The following PTK2 variants were observed in gnomAD, a reference collection of about 807,000 sequenced individuals.
PTK2 encodes protein tyrosine kinase 2, also known as focal adhesion kinase 1.
PTK2 carries 45 observed loss-of-function variants against 150.1 expected under a neutral mutation model. The observed-to-expected ratio is 0.30, with a 90% CI of 0.24 to 0.38. The LOEUF (loss-of-function observed/expected upper bound fraction) is 0.38, where lower values mean the gene tolerates loss of function less well. Ranked by LOEUF, PTK2 falls within the 10% of genes least tolerant of loss-of-function variation. The pLI, the probability that PTK2 is intolerant of heterozygous loss-of-function variation, is 1.00. For missense variants in PTK2, 919 were observed against 1,307.3 expected, an observed-to-expected ratio of 0.70 and a Z score of 4.58; for synonymous variants, 432 against 449.2, an observed-to-expected ratio of 0.96 and a Z score of 0.48.
At chr8:140,725,533 T>C (rs1286149064) in intron 22 of PTK2, among the ~76,000 whole-genome samples, 1 of 152,228 alleles carries the variant, frequency 6.6e-6, no homozygotes, top group Middle Eastern at 3.2e-3. Flanking sequence ...GCGCCAGTGT[T>C]ACTGGCTTGA....
At chr8:140,790,269 T>C (rs1012448275) in intron 13 of PTK2, among the ~76,000 whole-genome samples, 1 of 152,210 alleles carries the variant, frequency 6.6e-6, no homozygotes, top group Non-Finnish European at 1.5e-5. Flanking sequence ...ACAGTATAGG[T>C]TGAATATCTC....
intron 24 of PTK2, 64 bp from the exon 28 acceptor site, chr8:140,702,771 C>T (rs1179574952): frequency 1.3e-6 from 2 of 1,521,398 alleles, no homozygotes; most frequent in Admixed American, 1.9e-5. Context: ...CTGCTTCACA[C>T]ACAAAGGAAA....
At chr8:140,960,107 T>C (rs1383467104) in intron 1 of PTK2, among the ~76,000 whole-genome samples, 3 of 151,340 alleles carry the variant, frequency 2.0e-5, no homozygotes, top group Non-Finnish European at 2.9e-5. Flanking sequence ...ATTTTTTGTA[T>C]ACAGTATTTT....
intron 14 of PTK2, among the ~76,000 whole-genome samples, chr8:140,775,421 G>A (rs573913197): frequency 4.6e-5 from 7 of 152,202 alleles, no homozygotes; most frequent in African/African-American, 1.7e-4. Context: ...GGAGATGGAG[G>A]TTGCAGTGAG....
At chr8:140,925,982 C>A (rs1403464571) in intron 1 of PTK2, among the ~76,000 whole-genome samples, 1 of 152,212 alleles carries the variant, frequency 6.6e-6, no homozygotes, top group Non-Finnish European at 1.5e-5. Flanking sequence ...GATGACTCAT[C>A]TACCTATCAC....
chr8:140,675,884 C>T (rs913804409), intron 27 of PTK2: 1 of 163,160 alleles, frequency 6.1e-6, no homozygotes, highest in Non-Finnish European at 1.3e-5. Context: ...AACTACCATT[C>T]GATCCAGCAA....
rs557262175 is a variant in PTK2 at position 140,998,802 on chromosome 8, G to T, written c.-122+2323C>A. 3.1e-3 allele frequency among the ~76,000 whole-genome samples: 470 copies of T among 150,398 alleles called. 1 individual carries two copies. The highest frequency in any genetic ancestry group is 5.3e-3 in the Non-Finnish European group (362 of 67,668). The stretch of plus-strand genomic sequence containing the variant: ...CCACTGCACTCCAGCCTGGGCCACA[G>T]GGTGAGACTCCGTCTCAAAAAAAAA... On this transcript the variant is annotated intron_variant, in intron 1 of 31. Coordinates refer to ENST00000522684, the Ensembl canonical transcript of PTK2.
intron 12 of PTK2, among the ~76,000 whole-genome samples, chr8:140,796,581 G>A (rs1295822114): frequency 6.6e-6 from 1 of 152,172 alleles, no homozygotes; most frequent in African/African-American, 2.4e-5. Flanking sequence ...TTTCTAAGTA[G>A]CTGGGCATGG....
chr8:140,968,902 G>A (rs1365937290), intron 1 of PTK2, among the ~76,000 whole-genome samples: 3 of 152,238 alleles, frequency 2.0e-5, no homozygotes, highest in African/African-American at 7.2e-5. Context: ...GGGGCTGGAA[G>A]AGGTAACTGA....
intron 11 of PTK2, 108 bp from the exon 12 acceptor site, chr8:140,800,684 G>C (rs1338522442): frequency 5.1e-6 from 4 of 789,182 alleles, no homozygotes; most frequent in East Asian, 2.5e-5. Flanking sequence ...ACAGAGAAGA[G>C]TGGGAATGAA....
intron 26 of PTK2, among the ~76,000 whole-genome samples, chr8:140,694,778 A>G (rs1264435928): frequency 3.9e-5 from 6 of 152,214 alleles, no homozygotes; most frequent in Non-Finnish European, 8.8e-5. Context: ...ACAACGAGAT[A>G]TAATTACCAT....
chr8:140,786,188 G>A (rs2100084844), intron 14 of PTK2, among the ~76,000 whole-genome samples: 2 of 152,160 alleles, frequency 1.3e-5, no homozygotes, highest in South Asian at 4.1e-4. Flanking sequence ...CTTGTTAGGG[G>A]TTAAATGAAG....
intron 31 of PTK2, among the ~76,000 whole-genome samples, chr8:140,661,151 C>T (rs1432676623): frequency 6.6e-6 from 1 of 152,160 alleles, no homozygotes; most frequent in African/African-American, 2.4e-5. Context: ...GAAAGCCACA[C>T]CTAGTTGATC....
chr8:140,702,485 GC>G, intron 25 of PTK2, 84 bp downstream of exon 28: 5 of 1,488,484 alleles, frequency 3.4e-6, no homozygotes, highest in Non-Finnish European at 4.6e-6. Context: ...TCCCAAAAGT[GC>G]TAGGATTACA....
intron 18 of PTK2, among the ~76,000 whole-genome samples, chr8:140,745,012 T>G (rs1287917073): frequency 6.6e-6 from 1 of 152,192 alleles, no homozygotes; most frequent in Non-Finnish European, 1.5e-5. Context: ...ACGACAAATT[T>G]CTTAAAAAAT....
intron 20 of PTK2, among the ~76,000 whole-genome samples, chr8:140,742,924 C>A (rs1417864676): frequency 1.3e-5 from 2 of 152,090 alleles, no homozygotes; most frequent in Non-Finnish European, 2.9e-5. Flanking sequence ...TCTAAGGATC[C>A]CTGGCCTAGC....
chr8:140,936,268 T>C (rs565135453), intron 1 of PTK2, among the ~76,000 whole-genome samples: 2 of 152,306 alleles, frequency 1.3e-5, no homozygotes, highest in African/African-American at 4.8e-5. Context: ...ATGAACACTG[T>C]AAATTTTACA....
At chr8:140,743,098 G>A (rs2100056652) in intron 20 of PTK2, 132 bp downstream of exon 23, 1 of 616,640 alleles carries the variant, frequency 1.6e-6, no homozygotes, top group South Asian at 2.7e-5. Context: ...TTGCTGAGAA[G>A]GCTGTCGCTT....
At chr8:140,844,726 T>C (rs2100124308) in intron 7 of PTK2, among the ~76,000 whole-genome samples, 1 of 152,186 alleles carries the variant, frequency 6.6e-6, no homozygotes, top group African/African-American at 2.4e-5. Flanking sequence ...CACTGAAGAA[T>C]GGTACTAGAA....
Sources: allele counts gnomAD v4.1 joint callset (sites outside exome capture counted in the v4.1 genomes callset), GRCh38; gene constraint gnomAD v4.1.1; transcripts MANE v1.5; gene names NCBI Gene and HGNC (gene_info 2026-07-23, HGNC 2026-07-21).